Variants in MAST2 observed in about 807,000 individuals in gnomAD.
The protein encoded by MAST2 is microtubule associated serine/threonine kinase 2.
A neutral mutation model predicts 147.4 loss-of-function variants in MAST2; 70 were observed. That is an observed-to-expected ratio of 0.47 (90% CI 0.39 to 0.58). The LOEUF is 0.58. MAST2 is among the 20% of genes least tolerant of loss of function. The probability of loss-of-function intolerance (pLI) is 0.00; values close to 1 mark genes in which losing one functional copy is unlikely to be tolerated. For missense variants in MAST2, 2,080 were observed against 2,302.3 expected (o/e 0.90, Z 1.98); for synonymous variants, 869 against 896.8 (o/e 0.97, Z 0.55).
intron 4 of MAST2, among the ~76,000 whole-genome samples, chr1:45,953,643 G>T (rs1247095306): frequency 6.6e-6 from 1 of 152,188 alleles, no homozygotes. Flanking sequence ...GAAGGACATT[G>T]CAAGTAAAGG....
intron 3 of MAST2, among the ~76,000 whole-genome samples, chr1:45,838,189 G>A (rs541947580): frequency 2.1e-5 from 3 of 141,622 alleles, no homozygotes; most frequent in Non-Finnish European, 4.7e-5. Context: ...ATATTTTTAT[G>A]TGCTTATTTG....
intron 4 of MAST2, among the ~76,000 whole-genome samples, chr1:45,931,387 T>TTTG (rs1553235913): frequency 2.0e-5 from 3 of 148,028 alleles, no homozygotes; most frequent in South Asian, 4.4e-4. Flanking sequence ...GTTTTTTTTT[T>TTTG]TTTTTTTTTT....
At chr1:45,903,319 A>T (rs1650117437) in intron 4 of MAST2, among the ~76,000 whole-genome samples, 1 of 151,644 alleles carries the variant, frequency 6.6e-6, no homozygotes, top group Admixed American at 6.6e-5. Context: ...TAGTAGAGAC[A>T]GGGTTTCACC....
chr1:46,033,968 T>C (rs1364722884), intron 27 of MAST2, 30 bp downstream of exon 27: 4 of 1,613,040 alleles, frequency 2.5e-6, no homozygotes, highest in Admixed American at 1.7e-5. Flanking sequence ...GAGGGTTTTC[T>C]CTGAGCCACA....
intron 24 of MAST2, 27 bp from the exon 25 acceptor site, chr1:46,032,151 A>G: frequency 1.3e-6 from 2 of 1,587,998 alleles, no homozygotes; most frequent in Non-Finnish European, 1.7e-6. Context: ...CCTCTGACCC[A>G]CTAAGTCCTG....
At chr1:45,893,962 C>T (rs1011660556) in intron 4 of MAST2, among the ~76,000 whole-genome samples, 10 of 151,992 alleles carry the variant, frequency 6.6e-5, no homozygotes, top group Non-Finnish European at 1.5e-4. Flanking sequence ...ATACACTGAC[C>T]CCAGCACTTT....
intron 5 of MAST2, among the ~76,000 whole-genome samples, chr1:45,978,738 CATATT>C (rs1046939180): frequency 2.6e-5 from 4 of 152,102 alleles, no homozygotes; most frequent in Non-Finnish European, 5.9e-5. Flanking sequence ...CAAACGGACA[CATATT>C]ATATAATCTC....
chr1:45,870,236 T>TAA, intron 3 of MAST2, among the ~76,000 whole-genome samples: 1 of 152,334 alleles, frequency 6.6e-6, no homozygotes, highest in South Asian at 2.1e-4. Context: ...TGATTCTTTG[T>TAA]ATACCTGTTT....
chr1:45,862,543 C>T (rs531170086), intron 3 of MAST2, among the ~76,000 whole-genome samples: 1 of 149,042 alleles, frequency 6.7e-6, no homozygotes, highest in African/African-American at 2.5e-5. Flanking sequence ...ACGATCTCAG[C>T]TCTGCAACCT....
chr1:45,867,224 T>C lies in MAST2; in HGVS notation c.469-15140T>C, dbSNP rs1247571588. On this transcript the variant is annotated intron_variant, in intron 3 of 28. Transcript: ENST00000361297. Reference sequence around the variant, plus strand: ...AGTTTTATTAATAGATTTATATAAATAAACACACAAAGGTAAAGTGTGCCT... The same window carrying C: ...AGTTTTATTAATAGATTTATATAAACAAACACACAAAGGTAAAGTGTGCCT... Among the ~76,000 whole-genome samples the C allele has an allele frequency of 3.9e-5, 6 of 152,332 alleles. No individual in the cohort carries two copies. The East Asian group carries it at 1.2e-3, about 29-fold the overall frequency.
intron 25 of MAST2, 73 bp from the exon 26 acceptor site, chr1:46,032,523 C>G: frequency 6.3e-7 from 1 of 1,598,990 alleles, no homozygotes. Context: ...GGGCTCACAG[C>G]TTAATGTCCA....
At chr1:45,921,941 A>G (rs984400520) in intron 4 of MAST2, among the ~76,000 whole-genome samples, 11 of 152,226 alleles carry the variant, frequency 7.2e-5, no homozygotes, top group African/African-American at 9.6e-5. Flanking sequence ...AGACAAATAT[A>G]GGGTGAGCAA....
chr1:45,914,796 T>C lies in MAST2; in HGVS notation c.500+32401T>C, dbSNP rs574934188. 4.6e-5 allele frequency among the ~76,000 whole-genome samples: 7 copies of C among 152,336 alleles called. No homozygotes were observed. The South Asian group carries it at 1.2e-3, about 27-fold the overall frequency. ...ACACACTTTAAAAAAAACCTTTTAT[T>C]ACCATACTGACACAGAAGTAAAAGA... is the stretch of plus-strand genomic sequence containing the variant. On this transcript the variant is annotated intron_variant, in intron 4 of 28. Coordinates refer to ENST00000361297, the MANE Select transcript of MAST2 (RefSeq NM_015112.3).
At chr1:45,853,951 T>A (rs2148010800) in intron 3 of MAST2, among the ~76,000 whole-genome samples, 1 of 152,338 alleles carries the variant, frequency 6.6e-6, no homozygotes, top group Non-Finnish European at 1.5e-5. Context: ...ATTTTTTTAT[T>A]CAGCTCATGG....
At chr1:46,015,546 T>C (rs1332481914) in intron 10 of MAST2, among the ~76,000 whole-genome samples, 6 of 151,986 alleles carry the variant, frequency 3.9e-5, no homozygotes, top group Non-Finnish European at 8.8e-5. Flanking sequence ...ACTACAAACA[T>C]CTCTACGCAA....
intron 4 of MAST2, among the ~76,000 whole-genome samples, chr1:45,949,618 T>TG (rs1336095597): frequency 1.3e-5 from 2 of 152,274 alleles, no homozygotes; most frequent in East Asian, 3.9e-4. Context: ...ACACTGTTGG[T>TG]GGGAGTGTAA....
At chr1:45,835,747 A>G (rs1645084204) in intron 3 of MAST2, among the ~76,000 whole-genome samples, 1 of 152,110 alleles carries the variant, frequency 6.6e-6, no homozygotes, top group Admixed American at 6.6e-5. Context: ...TCTACCCATT[A>G]AACAGTCATT....
chr1:45,854,991 A>G (rs185706720), intron 3 of MAST2, among the ~76,000 whole-genome samples: 154 of 152,304 alleles, frequency 1.0e-3, no homozygotes, highest in African/African-American at 3.6e-3. Flanking sequence ...TGGGCTCACT[A>G]TCCTCCAGGT....
At chr1:45,908,551 A>G (rs2148550294) in intron 4 of MAST2, among the ~76,000 whole-genome samples, 1 of 152,374 alleles carries the variant, frequency 6.6e-6, no homozygotes, top group South Asian at 2.1e-4. Flanking sequence ...TAGATTATTT[A>G]GAAATATGTG....
Sources: allele counts gnomAD v4.1 joint callset (sites outside exome capture counted in the v4.1 genomes callset), GRCh38; gene constraint gnomAD v4.1.1; transcripts MANE v1.5; gene names NCBI Gene and HGNC (gene_info 2026-07-23, HGNC 2026-07-21).